The following DSP variants were observed in gnomAD, a reference collection of about 807,000 sequenced individuals.
DSP encodes desmoplakin.
DSP carries 114 observed loss-of-function variants against 290.6 expected under a neutral mutation model. The ratio of observed to expected loss-of-function variants is 0.39; its 90% confidence interval spans 0.34 to 0.46. DSP has a LOEUF of 0.46. DSP is among the 20% of genes least tolerant of loss of function. DSP has a pLI of 0.99. For synonymous variants in DSP, 1,311 were observed against 1,316.4 expected, an observed-to-expected ratio of 1.00 and a Z score of 0.09; for missense variants, 3,230 against 3,495.8, an observed-to-expected ratio of 0.92 and a Z score of 1.92.
chr6:7,585,621 G>A lies in DSP; in HGVS notation c.8359G>A (p.Asp2787Asn), dbSNP rs1759637089. The change falls in exon 24 of 24, where the codon GAT becomes AAT. Residue 2787 changes from aspartate to asparagine, a missense_variant. Physicochemically the swap from Asp to Asn is conservative, Grantham distance 23. Around this residue, in one of 5 missense-constraint regions of DSP, gnomAD observed 582 missense variants for 555.4 expected, o/e 1.05. Transcript: ENST00000379802. ...PKTKLKISYK[D>N]AINRSMVEDI... Reference sequence around the variant, plus strand: ...AACCAAATTAAAAATATCCTATAAGGATGCCATAAATCGCTCCATGGTAGA... The same window carrying A: ...AACCAAATTAAAAATATCCTATAAGAATGCCATAAATCGCTCCATGGTAGA... The A allele has an allele frequency of 3.1e-6, 5 of 1,614,220 alleles. No homozygotes were observed. Among genetic ancestry groups the A allele is most frequent in the Non-Finnish European group, 4.2e-6 (5 of 1,180,052 alleles).
At position 7,555,424 on chromosome 6, in the gene DSP, A is replaced by T. The variant is rs1408084380; in HGVS notation, c.171-294A>T. 7.9e-5 allele frequency among the ~76,000 whole-genome samples: 12 copies of T among 152,328 alleles called. No individual in the cohort carries two copies. The East Asian group carries it at 2.3e-3, about 29-fold the overall frequency. ...ATGTTCTCAAATGATTCAGAAAAAA[A>T]TAATATGTATACATAGATAAATATA... is the stretch of plus-strand genomic sequence containing the variant. On this transcript the variant is annotated intron_variant, in intron 1 of 23. Transcript: ENST00000379802.
Position 7,562,633 on chromosome 6 carries a change from CTT to C in DSP, c.598-17_598-16del, listed in dbSNP as rs758845916. On this transcript the variant is annotated splice_polypyrimidine_tract_variant and intron_variant, in intron 4 of 23. Coordinates refer to ENST00000379802, the MANE Select transcript of DSP (RefSeq NM_004415.4). ...AGGGGCAACAACAAAGGGCGCCTCT[CTT>C]TGTCTTTGTGTCGCAGGCGGAGATG... 1.9e-6 allele frequency: 3 copies of C among 1,614,006 alleles called. No homozygotes were observed. Among genetic ancestry groups the C allele is most frequent in the Non-Finnish European group, 2.5e-6 (3 of 1,179,956 alleles).
chr6:7,542,072 T>C lies in DSP; in HGVS notation c.157T>C (p.Ser53Pro), dbSNP rs397516918. Residue 53 changes from serine (S) to proline (P), a missense_variant, in exon 1 of 24, where the codon TCG becomes CCG. Around this residue, in one of 5 missense-constraint regions of DSP, gnomAD observed 646 missense variants for 684.3 expected, o/e 0.94. Transcript: ENST00000379802. Reference protein sequence around the residue: ...SRRGVITDQNSDGYCQTGTMS... With the variant: ...SRRGVITDQNPDGYCQTGTMS... ...GCGCGGCGTGATCACCGACCAGAACTCGGACGGCTACTGGTGGGTACCTGC... is the reference window on the plus strand; with the variant it reads ...GCGCGGCGTGATCACCGACCAGAACCCGGACGGCTACTGGTGGGTACCTGC... 3.9e-5 allele frequency: 61 copies of C among 1,563,864 alleles called. No homozygotes were observed. The highest frequency in any genetic ancestry group is 5.1e-5 in the Non-Finnish European group (59 of 1,154,492).
rs144211524 is a variant in DSP, at chr6:7,584,983, G to A, written c.7721G>A (p.Gly2574Asp). 1 of 1,614,184 alleles carries A rather than the reference G, an allele frequency of 6.2e-7. No homozygotes were observed. The highest frequency in any genetic ancestry group is 8.5e-7 in the Non-Finnish European group (1 of 1,180,038). Residue 2574 changes from glycine to aspartate, a missense_variant, in exon 24 of 24, where the codon GGC (glycine) becomes GAC (aspartate). Gly to Asp is a moderately conservative substitution (Grantham distance 94, BLOSUM62 -1). This residue lies in a region of DSP where 582 missense variants were observed against 555.4 expected (regional missense o/e 1.05). Coordinates refer to ENST00000379802, the MANE Select transcript of DSP (RefSeq NM_004415.4). The surrounding 1 kb of genome is among the most constrained non-coding windows in gnomAD (Gnocchi z 6.4). ...KNGVGTSSSM[G>D]SGVSDDVFSS... ...GGTGTCGGCACCAGCAGCAGCATGGGCAGTGGTGTCAGCGATGATGTTTTT... is the reference window on the plus strand; with the variant it reads ...GGTGTCGGCACCAGCAGCAGCATGGACAGTGGTGTCAGCGATGATGTTTTT...
rs982683077 is a variant in DSP at position 7,579,226 on chromosome 6, G to A, written c.3085-49G>A. 2 of 1,607,574 alleles carry A rather than the reference G, an allele frequency of 1.2e-6. No individual in the cohort carries two copies. ...GGGGAAAAGTACTGCTTCTTTCTTG[G>A]AATGTGAGGTGTTTTTCTTTTGACA... On this transcript the variant is annotated intron_variant, in intron 22 of 23. Coordinates refer to ENST00000379802, the MANE Select transcript of DSP (RefSeq NM_004415.4). The surrounding 1 kb of genome is among the most constrained non-coding windows in gnomAD (Gnocchi z 4.1).
chr6:7,563,886 C>A, intron 6 of DSP, 100 bp downstream of exon 6: 1 of 1,028,402 alleles, frequency 9.7e-7, no homozygotes, highest in South Asian at 1.3e-5. Flanking sequence ...GGCACCTGTT[C>A]ATCGATGCTA....
At chr6:7,571,000 A>G (rs1197348040) in intron 13 of DSP, among the ~76,000 whole-genome samples, 1 of 152,172 alleles carries the variant, frequency 6.6e-6, no homozygotes, top group Non-Finnish European at 1.5e-5. Context: ...GAATCCTAGC[A>G]GGAGAGGGAG....
At chr6:7,543,841 A>G (rs1434164039) in intron 1 of DSP, among the ~76,000 whole-genome samples, 1 of 152,210 alleles carries the variant, frequency 6.6e-6, no homozygotes, top group African/African-American at 2.4e-5. Context: ...TTTGTAGGGG[A>G]GTAAAACTTT....
chr6:7,584,395 T>C lies in DSP; in HGVS notation c.7133T>C (p.Ile2378Thr). ...LEAQIATGGI[I>T]DPKESHRLPV... Reference sequence around the variant, plus strand: ...GCACAGATCGCAACCGGGGGGATCATTGACCCAAAGGAGAGCCATCGTTTA... The same window carrying C: ...GCACAGATCGCAACCGGGGGGATCACTGACCCAAAGGAGAGCCATCGTTTA... The change falls in exon 24 of 24, where the codon ATT (isoleucine) becomes ACT (threonine). Residue 2378 changes from isoleucine (I) to threonine (T), a missense_variant. Around this residue, in one of 5 missense-constraint regions of DSP, gnomAD observed 207 missense variants for 281.2 expected, o/e 0.74. Coordinates refer to ENST00000379802, the MANE Select transcript of DSP (RefSeq NM_004415.4). The surrounding 1 kb of genome is among the most constrained non-coding windows in gnomAD (Gnocchi z 6.4). 1 of 1,614,078 alleles carries C rather than the reference T, an allele frequency of 6.2e-7. No individual in the cohort carries two copies. The highest frequency in any genetic ancestry group is 8.5e-7 in the Non-Finnish European group (1 of 1,179,970).
chr6:7,574,765 T>G lies in DSP; in HGVS notation c.2406T>G (p.Asp802Glu). Residue 802 changes from aspartate (D) to glutamate (E), a missense_variant, in exon 17 of 24, where the codon GAT (aspartate) becomes GAG (glutamate). Asp to Glu is a conservative substitution (Grantham distance 45, BLOSUM62 2). Coordinates refer to ENST00000379802, the MANE Select transcript of DSP (RefSeq NM_004415.4). Reference protein sequence around the residue: ...TEEETVCLDLDKVEAYRCGLK... With the variant: ...TEEETVCLDLEKVEAYRCGLK... ...AGGAAACTGTCTGCCTGGACCTGGA[T>G]AAAGTGGAAGCTTACCGCTGTGGAC... 6.2e-7 allele frequency: 1 copy of G among 1,614,168 alleles called. No individual in the cohort carries two copies. The highest frequency in any genetic ancestry group is 8.5e-7 in the Non-Finnish European group (1 of 1,180,024).
chr6:7,544,787 T>G (rs908091362), intron 1 of DSP, among the ~76,000 whole-genome samples: 1 of 152,190 alleles, frequency 6.6e-6, no homozygotes, highest in Non-Finnish European at 1.5e-5. Flanking sequence ...AATTCCCTCT[T>G]TTTCCCCCGA....
intron 15 of DSP, among the ~76,000 whole-genome samples, chr6:7,572,979 C>T (rs949970746): frequency 5.3e-5 from 8 of 152,054 alleles, no homozygotes; most frequent in South Asian, 2.1e-4. Context: ...TATAATCTTA[C>T]GGGGGCTGGA....
rs75103613 is a variant in DSP at position 7,564,220 on chromosome 6, C to A, written c.777+434C>A. 5.3e-5 allele frequency among the ~76,000 whole-genome samples: 8 copies of A among 152,252 alleles called. No individual in the cohort carries two copies. The East Asian group carries it at 1.5e-3, about 29-fold the overall frequency. On this transcript the variant is annotated intron_variant, in intron 6 of 23. Transcript: ENST00000379802. ...AACGTTGCCACTTGTGAATTGTGGT[C>A]TTTTTTACGAAGTGTAAGCAAAAAT...
chr6:7,568,728 G>A, intron 11 of DSP, 139 bp downstream of exon 11: 1 of 950,744 alleles, frequency 1.1e-6, no homozygotes, highest in East Asian at 2.5e-5. Context: ...CAGCAGCTAT[G>A]GAACAAAAGC....
In DSP at chr6:7,583,413, G is replaced by T; in HGVS notation, c.6151G>T (p.Ala2051Ser). The change falls in exon 24 of 24, where the codon GCC (alanine) becomes TCC (serine). Residue 2051 changes from alanine to serine, a missense_variant. Coordinates refer to ENST00000379802, the MANE Select transcript of DSP (RefSeq NM_004415.4). This position sits in a 1 kb window ranked among gnomAD's most constrained non-coding sequence, Gnocchi z 4.0. ...SPESTVMLLE[A>S]QAATGGIIDP... ...AGAATCCACAGTCATGCTTCTGGAG[G>T]CCCAGGCAGCTACAGGTGGTATAAT... 4 of 1,614,156 alleles carry T rather than the reference G, an allele frequency of 2.5e-6. No homozygotes were observed. The highest frequency in any genetic ancestry group is 1.3e-5 in the African/African-American group (1 of 75,030).
At position 7,558,206 on chromosome 6, in the gene DSP, G is replaced by C; in HGVS notation, c.364G>C (p.Asp122His). Residue 122 changes from aspartate to histidine, a missense_variant, in exon 3 of 24, where the codon GAC (aspartate) becomes CAC (histidine). Asp to His is a moderately conservative substitution (Grantham distance 81). This residue lies in a region of DSP where 646 missense variants were observed against 684.3 expected (regional missense o/e 0.94). Coordinates refer to ENST00000379802, the MANE Select transcript of DSP (RefSeq NM_004415.4). ...GGCCAATGACCAAATGGAAATCCTC[G>C]ACAGCTTGATCAGAGAGATGCGGCA... ...AQANDQMEIL[D>H]SLIREMRQMG... is the part of the protein sequence containing the mutation. 1 of 1,614,218 alleles carries C rather than the reference G, an allele frequency of 6.2e-7. No homozygotes were observed. The highest frequency in any genetic ancestry group is 8.5e-7 in the Non-Finnish European group (1 of 1,180,036).
In DSP at chr6:7,579,160, C is replaced by T. The variant is rs2744379; in HGVS notation, c.3085-115C>T. On this transcript the variant is annotated intron_variant, in intron 22 of 23. Coordinates refer to ENST00000379802, the MANE Select transcript of DSP (RefSeq NM_004415.4). This position sits in a 1 kb window ranked among gnomAD's most constrained non-coding sequence, Gnocchi z 4.1. Reference sequence around the variant, plus strand: ...CCTAGTCACTCTTTGCATGTATGTCCATGTGTGTAAAGAGAAATAAGAATG... The same window carrying T: ...CCTAGTCACTCTTTGCATGTATGTCTATGTGTGTAAAGAGAAATAAGAATG... 989,044 of 1,412,218 alleles carry T rather than the reference C, an allele frequency of 0.7. 347,777 individuals are homozygous for T. The highest frequency in any genetic ancestry group is 0.81 in the East Asian group (33,008 of 40,650). The allele number at this position is 1,412,218 out of a possible 1,614,324, so 87.5% of individuals were successfully genotyped here. A position where few individuals can be genotyped will look rare whatever the true frequency, so the allele number is the denominator to read the frequency against.
chr6:7,546,845 T>G (rs1758185130), intron 1 of DSP, among the ~76,000 whole-genome samples: 1 of 152,232 alleles, frequency 6.6e-6, no homozygotes, highest in South Asian at 2.1e-4. Context: ...TCAGATCTAT[T>G]TAATGGGACA....
intron 4 of DSP, among the ~76,000 whole-genome samples, chr6:7,560,960 T>C (rs1167534977): frequency 6.6e-6 from 1 of 152,008 alleles, no homozygotes; most frequent in African/African-American, 2.4e-5. Flanking sequence ...ATTTTCTTTT[T>C]TTTTTTTTTG....
Sources: gnomAD v4.1 joint callset for allele counts (sites outside exome capture counted in the v4.1 genomes callset) on GRCh38, gnomAD v4.1.1 for gene constraint, gnomAD v4.1.1 regional missense constraint, Gnocchi (gnomAD v3.1) non-coding constraint, MANE v1.5 for transcripts, NCBI Gene and HGNC (gene_info 2026-07-23, HGNC 2026-07-21) for gene names.